Variants in C1orf167 observed in about 807,000 individuals in gnomAD.
C1orf167 encodes chromosome 1 open reading frame 167.
Under a neutral mutation model 176.5 loss-of-function variants are expected in C1orf167, and 153 were observed. The observed-to-expected ratio is 0.87, with a 90% confidence interval of 0.76 to 0.99. The LOEUF (loss-of-function observed/expected upper bound fraction) is 0.99. C1orf167 is among the 50% of genes least tolerant of loss of function. The pLI is 0.00. For missense variants in C1orf167, 1,490 were observed against 1,817.7 expected, an observed-to-expected ratio of 0.82 and a Z score of 3.28; for synonymous variants, 594 against 752.7, an observed-to-expected ratio of 0.79 and a Z score of 3.45.
At chr1:11,781,199 T>C (rs1181056974) in intron 13 of C1orf167, among the ~76,000 whole-genome samples, 1 of 151,968 alleles carries the variant, frequency 6.6e-6, no homozygotes, top group African/African-American at 2.4e-5. Flanking sequence ...GGTTTCACCA[T>C]GTTGGCCAGG....
At chr1:11,775,010 C>T (rs866393070) in intron 8 of C1orf167, among the ~76,000 whole-genome samples, 9 of 152,106 alleles carry the variant, frequency 5.9e-5, no homozygotes, top group South Asian at 2.1e-4. Context: ...CTTGGCCAGA[C>T]GCGGTGGCTC....
chr1:11,787,774 C>CT (rs1417704733), intron 17 of C1orf167, 99 bp from the exon 18 acceptor site: 1 of 1,172,204 alleles, frequency 8.5e-7, no homozygotes, highest in Non-Finnish European at 1.1e-6. Flanking sequence ...CAGCACCTTC[C>CT]TCCACCCTCC....
At chr1:11,764,158 G>T (rs943136524) in intron 1 of C1orf167, among the ~76,000 whole-genome samples, 173 bp from the exon 2 acceptor site, 1 of 152,162 alleles carries the variant, frequency 6.6e-6, no homozygotes, top group Non-Finnish European at 1.5e-5. Context: ...GGAAAGGGGG[G>T]TGATAAGTAG....
Position 11,787,462 on chromosome 1 carries a change from G to A in C1orf167, c.3642G>A (p.Arg1214=), listed in dbSNP as rs1193964807. 1 of 1,303,460 alleles carries A rather than the reference G, an allele frequency of 7.7e-7. No individual in the cohort carries two copies. The highest frequency in any genetic ancestry group is 2.1e-4 in the Middle Eastern group (1 of 4,684). 80.7% of individuals were successfully genotyped at this position (1,303,460 alleles called of 1,614,324 possible). A position where few individuals can be genotyped will look rare whatever the true frequency, so the allele number is the denominator to read the frequency against. Residue 1214 remains arginine, a synonymous_variant, in exon 17 of 21, where the codon CGG becomes CGA. Coordinates refer to ENST00000688073, the MANE Select transcript of C1orf167 (RefSeq NM_001010881.2). ...CACTGCAGTGCAGCCTGGGTGGACG[G>A]AGGAAGCCAAGGGGAACGGCCTGGG... ...APSLQCSLGG[R]RKPRGTAWAQ...
rs1439284281 is a variant in C1orf167, at chr1:11,768,947, T to G, written c.1543-26T>G. The G allele has an allele frequency of 6.2e-5, 61 of 985,806 alleles. No individual in the cohort carries two copies. The highest frequency in any genetic ancestry group is 7.1e-5 in the Non-Finnish European group (59 of 829,988). The allele number at this position is 985,806 out of a possible 1,614,324, so 61.1% of individuals were successfully genotyped here. A position where few individuals can be genotyped will look rare whatever the true frequency, so the allele number is the denominator to read the frequency against. On this transcript the variant is annotated intron_variant, in intron 5 of 20. Coordinates refer to ENST00000688073, the MANE Select transcript of C1orf167 (RefSeq NM_001010881.2). This position sits in a 1 kb window ranked among gnomAD's most constrained non-coding sequence, Gnocchi z 4.5. ...GGGAGGCAGATTCAAGGCCAACATCTCCTTTCCCCTTCTCTCTTGAGCCAG... is the reference window on the plus strand; with the variant it reads ...GGGAGGCAGATTCAAGGCCAACATCGCCTTTCCCCTTCTCTCTTGAGCCAG...
intron 1 of C1orf167, among the ~76,000 whole-genome samples, chr1:11,764,077 G>T (rs557566068): frequency 2.6e-5 from 4 of 152,108 alleles, no homozygotes; most frequent in Non-Finnish European, 4.4e-5. Flanking sequence ...TGCATGTTCA[G>T]ACCTGTATGC....
In C1orf167 at chr1:11,778,357, C is replaced by T. The variant is rs12145559; in HGVS notation, c.2340-303C>T. On this transcript the variant is annotated intron_variant, in intron 10 of 20. Coordinates refer to ENST00000688073, the MANE Select transcript of C1orf167 (RefSeq NM_001010881.2). The stretch of plus-strand genomic sequence containing the variant: ...CCCAGTCTCAGCTGCTCACTGAGGT[C>T]ACTCAGAGAACCCCAGAAAAAGTCT... 147 of 164,482 alleles carry T rather than the reference C, an allele frequency of 8.9e-4. 2 individuals carry two copies. Among genetic ancestry groups the T allele is most frequent in the Non-Finnish European group, 1.6e-3 (121 of 76,138 alleles). The allele number at this position is 164,482 out of a possible 1,614,324, so 10.2% of individuals were successfully genotyped here. A position where few individuals can be genotyped will look rare whatever the true frequency, so the allele number is the denominator to read the frequency against.
At chr1:11,771,476 C>T (rs1643074757) in intron 6 of C1orf167, 48 bp from the exon 7 acceptor site, 1 of 1,216,580 alleles carries the variant, frequency 8.2e-7, no homozygotes. Flanking sequence ...GGACCGAGTG[C>T]CCTTCCTCCC....
chr1:11,772,275 C>CT lies in C1orf167; in HGVS notation c.1988+24dup, dbSNP rs755223633. 1.6e-5 allele frequency: 20 copies of CT among 1,287,148 alleles called. No homozygotes were observed. Among genetic ancestry groups the CT allele is most frequent in the East Asian group, 5.7e-5 (1 of 17,550 alleles). 79.7% of individuals were successfully genotyped at this position (1,287,148 alleles called of 1,614,324 possible). A position where few individuals can be genotyped will look rare whatever the true frequency, so the allele number is the denominator to read the frequency against. On this transcript the variant is annotated intron_variant, in intron 8 of 20. Coordinates refer to ENST00000688073, the MANE Select transcript of C1orf167 (RefSeq NM_001010881.2). ...GGCTGTGCAGGTAGGATGCCCTTCC[C>CT]TTTTTTTTGAGATGAGGTCTCACTC...
At position 11,779,671 on chromosome 1, in the gene C1orf167, C is replaced by T; in HGVS notation, c.2652-131C>T. On this transcript the variant is annotated intron_variant, in intron 12 of 20. Transcript: ENST00000688073. ...TCCAGTCCCCAGCAACCCACCCTCC[C>T]ATAATGGAAACAGAAGAGTCACCCA... 3 of 652,542 alleles carry T rather than the reference C, an allele frequency of 4.6e-6. No individual in the cohort carries two copies. In the South Asian group the frequency reaches 5.7e-5, roughly 12 times the overall value. 40.4% of individuals were successfully genotyped at this position (652,542 alleles called of 1,614,324 possible). A position where few individuals can be genotyped will look rare whatever the true frequency, so the allele number is the denominator to read the frequency against.
Position 11,766,274 on chromosome 1 carries a change from C to T in C1orf167, c.488C>T (p.Ser163Phe). The change falls in exon 3 of 21, where the codon TCT becomes TTT. Residue 163 changes from serine to phenylalanine, a missense_variant. Physicochemically the swap from Ser to Phe is radical, Grantham distance 155 (BLOSUM62 -2). Transcript: ENST00000688073. The surrounding 1 kb of genome is among the most constrained non-coding windows in gnomAD (Gnocchi z 4.5). ...TCCCAAGAGCCACTGGCTCGCCCAT[C>T]TTCCTGCCTGAGGCAGTCCGGGCTG... ...LLSQEPLARPSSCLRQSGLPA... is the reference protein window; with the variant it reads ...LLSQEPLARPFSCLRQSGLPA... 7.8e-7 allele frequency: 1 copy of T among 1,289,826 alleles called. No homozygotes were observed. The highest frequency in any genetic ancestry group is 1.0e-6 in the Non-Finnish European group (1 of 988,866). 79.9% of individuals were successfully genotyped at this position (1,289,826 alleles called of 1,614,324 possible).
In C1orf167 at chr1:11,788,171, GA is replaced by G; in HGVS notation, c.3875del (p.Lys1292SerfsTer14). 2 of 1,290,716 alleles carry G rather than the reference GA, an allele frequency of 1.5e-6. No individual in the cohort carries two copies. Among genetic ancestry groups the G allele is most frequent in the Non-Finnish European group, 2.0e-6 (2 of 978,032 alleles). 80.0% of individuals were successfully genotyped at this position (1,290,716 alleles called of 1,614,324 possible). A position where few individuals can be genotyped will look rare whatever the true frequency, so the allele number is the denominator to read the frequency against. ...CAGTGCTCGTTCCTGCAGGATCCTGGAAAAGCAGGCCCAGGCCCATGGCTCT... is the reference window on the plus strand; with the variant it reads ...CAGTGCTCGTTCCTGCAGGATCCTGGAAAGCAGGCCCAGGCCCATGGCTCT... Reference protein sequence around the residue: ...RLRARSCRILEKQAQAHGSAL... With the variant: ...RLRARSCRILXKQAQAHGSAL... On this transcript the variant is annotated frameshift_variant, in exon 19 of 21. Transcript: ENST00000688073. LOFTEE classifies it high-confidence loss of function.
intron 1 of C1orf167, among the ~76,000 whole-genome samples, chr1:11,762,579 C>T (rs1275897129): frequency 1.3e-5 from 2 of 152,182 alleles, no homozygotes; most frequent in Non-Finnish European, 2.9e-5. Flanking sequence ...CGCTGTGGAG[C>T]CAGCCCTGGG....
In C1orf167 at chr1:11,779,827, G is replaced by A; in HGVS notation, c.2677G>A (p.Ala893Thr). 7.7e-7 allele frequency: 1 copy of A among 1,302,460 alleles called. No homozygotes were observed. The highest frequency in any genetic ancestry group is 1.0e-6 in the Non-Finnish European group (1 of 988,386). The allele number at this position is 1,302,460 out of a possible 1,614,324, so 80.7% of individuals were successfully genotyped here. The change falls in exon 13 of 21, where the codon GCA becomes ACA. Residue 893 changes from alanine (A) to threonine (T), a missense_variant. Coordinates refer to ENST00000688073, the MANE Select transcript of C1orf167 (RefSeq NM_001010881.2). ...CATCTTCCTCAGCTGGAGCCGCTGG[G>A]CAACAGCCCAATGGGCCTGGAGAGA... ...RRIFLSWSRW[A>T]TAQWAWRELA...
rs1481808353 is a variant in C1orf167 at position 11,785,235 on chromosome 1, C to T, written c.3513C>T (p.Arg1171=). 7.7e-7 allele frequency: 1 copy of T among 1,291,584 alleles called. No homozygotes were observed. Among genetic ancestry groups the T allele is most frequent in the Non-Finnish European group, 1.0e-6 (1 of 988,814 alleles). 80.0% of individuals were successfully genotyped at this position (1,291,584 alleles called of 1,614,324 possible). A position where few individuals can be genotyped will look rare whatever the true frequency, so the allele number is the denominator to read the frequency against. ...AGCTCCGGCCGGCTGAGCTCAGGCG[C>T]TTCCTGCGGACAGTGCAGCTCAGGG... ...LTQLRPAELR[R]FLRTVQLRVR... Residue 1171 remains arginine, a synonymous_variant, in exon 16 of 21, where the codon CGC becomes CGT. Transcript: ENST00000688073.
At chr1:11,775,339 C>G (rs1643260091) in intron 8 of C1orf167, 96 bp from the exon 9 acceptor site, 12 of 995,732 alleles carry the variant, frequency 1.2e-5, no homozygotes, top group Non-Finnish European at 1.6e-5. Context: ...GTGGCTTGCC[C>G]AAGGCCTGGG....
intron 20 of C1orf167, 134 bp from the exon 21 acceptor site, chr1:11,789,136 T>C (rs892571588): frequency 5.8e-6 from 5 of 857,540 alleles, no homozygotes; most frequent in South Asian, 1.7e-5. Flanking sequence ...TAGGCAAGAC[T>C]GGCTGGCTGC....
intron 9 of C1orf167, among the ~76,000 whole-genome samples, chr1:11,776,150 G>A (rs1416018442): frequency 6.6e-6 from 1 of 152,204 alleles, no homozygotes; most frequent in South Asian, 2.1e-4. Flanking sequence ...CCAGCTACTC[G>A]GGAGGCTGAG....
rs772369697 is a variant in C1orf167 at position 11,766,751 on chromosome 1, G to A, written c.965G>A (p.Ser322Asn). The part of the protein sequence containing the change: ...PASLSDSWAQ[S>N]KLMSPETTLG... ...AGTCTCTCAGACTCTTGGGCACAAA[G>A]CAAGCTAATGTCACCTGAGACCACT... The change falls in exon 3 of 21, where the codon AGC (serine) becomes AAC (asparagine). Residue 322 changes from serine to asparagine, a missense_variant. Coordinates refer to ENST00000688073, the MANE Select transcript of C1orf167 (RefSeq NM_001010881.2). This position sits in a 1 kb window ranked among gnomAD's most constrained non-coding sequence, Gnocchi z 4.5. The A allele has an allele frequency of 1.6e-6, 2 of 1,289,784 alleles. No homozygotes were observed. The highest frequency in any genetic ancestry group is 1.0e-6 in the Non-Finnish European group (1 of 988,858). 79.9% of individuals were successfully genotyped at this position (1,289,784 alleles called of 1,614,324 possible). A position where few individuals can be genotyped will look rare whatever the true frequency, so the allele number is the denominator to read the frequency against.
Sources: allele counts gnomAD v4.1 joint callset (sites outside exome capture counted in the v4.1 genomes callset), GRCh38; gene constraint gnomAD v4.1.1; non-coding constraint Gnocchi (gnomAD v3.1); transcripts MANE v1.5; gene names NCBI Gene and HGNC (gene_info 2026-07-23, HGNC 2026-07-21).